The following RUNX1T1 variants were observed in gnomAD, a reference collection of about 807,000 sequenced individuals.
The protein encoded by RUNX1T1 is RUNX1 partner transcriptional co-repressor 1.
RUNX1T1 carries 4 observed loss-of-function variants against 62.8 expected under a neutral mutation model. The ratio of observed to expected loss-of-function variants is 0.06; its 90% CI spans 0.03 to 0.15. RUNX1T1 has a LOEUF of 0.15. Ranked by LOEUF, RUNX1T1 falls within the 10% of genes least tolerant of loss-of-function variation. RUNX1T1 has a pLI of 1.00. For missense variants in RUNX1T1, 508 were observed against 754.3 expected (o/e 0.67, Z 3.82); for synonymous variants, 291 against 286.0 (o/e 1.02, Z -0.18).
intron 1 of RUNX1T1, among the ~76,000 whole-genome samples, chr8:92,078,942 T>C (rs1214676510): frequency 6.6e-6 from 1 of 152,222 alleles, no homozygotes; most frequent in Non-Finnish European, 1.5e-5. Context: ...TGGCAAATCA[T>C]TCTTGTATCA....
chr8:92,081,607 C>T (rs530545673), intron 1 of RUNX1T1, among the ~76,000 whole-genome samples: 16 of 148,636 alleles, frequency 1.1e-4, no homozygotes, highest in Non-Finnish European at 2.1e-4. Context: ...GGAGACAGAA[C>T]CAGAATCATT....
chr8:91,967,667 T>C (rs929798862), intron 10 of RUNX1T1, among the ~76,000 whole-genome samples: 4 of 152,168 alleles, frequency 2.6e-5, no homozygotes, highest in Admixed American at 6.5e-5. Context: ...AGAAGAAACA[T>C]AAATGGCCAA....
rs540266594 is a variant in RUNX1T1 at position 92,035,006 on chromosome 8, T to C, written c.8-17643A>G. ...AAATAATGGGTACACATGTAACGAATGGGATAGGCTGGTACAGTGGCTCAT... is the reference window on the plus strand; with the variant it reads ...AAATAATGGGTACACATGTAACGAACGGGATAGGCTGGTACAGTGGCTCAT... On this transcript the variant is annotated intron_variant, in intron 1 of 10. Transcript: ENST00000396218. Among the ~76,000 whole-genome samples the C allele has an allele frequency of 4.6e-5, 7 of 152,050 alleles. No individual in the cohort carries two copies. In the South Asian group the frequency reaches 1.5e-3, roughly 32 times the overall value.
At chr8:91,970,602 G>T in intron 10 of RUNX1T1, 56 bp downstream of exon 11, 1 of 1,396,752 alleles carries the variant, frequency 7.2e-7, no homozygotes, top group Non-Finnish European at 9.7e-7. Context: ...TGAAGAATGA[G>T]CACTCTAATG....
At chr8:91,994,137 A>AG (rs1006550933) in intron 5 of RUNX1T1, among the ~76,000 whole-genome samples, 2 of 152,196 alleles carry the variant, frequency 1.3e-5, no homozygotes, top group African/African-American at 4.8e-5. Flanking sequence ...ATGGCCCCCA[A>AG]GGGAGTGGTG....
chr8:92,026,428 A>T (rs1217570213), intron 1 of RUNX1T1, among the ~76,000 whole-genome samples: 1 of 152,242 alleles, frequency 6.6e-6, no homozygotes, highest in Non-Finnish European at 1.5e-5. Flanking sequence ...CTCAAAGTTC[A>T]TTATCCTCTA....
At position 92,081,330 on chromosome 8, in the gene RUNX1T1, A is replaced by C. The variant is rs541228609; in HGVS notation, c.-85-5193T>G. 33 of 688,498 alleles carry C rather than the reference A, an allele frequency of 4.8e-5. No individual in the cohort carries two copies. The African/African-American group carries it at 6.0e-4, about 13-fold the overall frequency. The allele number at this position is 688,498 out of a possible 1,614,324, so 42.6% of individuals were successfully genotyped here. A position where few individuals can be genotyped will look rare whatever the true frequency, so the allele number is the denominator to read the frequency against. ...GTAGTACCTATTTTAATATAATTAAATATGAAATAAATGAAAGCAAAGGTC... is the reference window on the plus strand; with the variant it reads ...GTAGTACCTATTTTAATATAATTAACTATGAAATAAATGAAAGCAAAGGTC... On this transcript the variant is annotated intron_variant, in intron 1 of 11. Coordinates refer to the RUNX1T1 transcript ENST00000265814.
chr8:92,034,795 T>TATATACACATATATATATAC (rs1563810929), intron 1 of RUNX1T1, among the ~76,000 whole-genome samples: 60 of 73,466 alleles, frequency 8.2e-4, no homozygotes, highest in South Asian at 1.9e-3. Flanking sequence ...TATATACATA[T>TATATACACATATATATATAC]ATACACACAC....
At chr8:92,052,391 C>T (rs1169364479) in intron 1 of RUNX1T1, among the ~76,000 whole-genome samples, 4 of 152,162 alleles carry the variant, frequency 2.6e-5, no homozygotes, top group Non-Finnish European at 5.9e-5. Flanking sequence ...CATCTGAATA[C>T]ACTGTCAGAA....
At chr8:92,032,773 G>A (rs1256614803) in intron 1 of RUNX1T1, among the ~76,000 whole-genome samples, 1 of 152,000 alleles carries the variant, frequency 6.6e-6, no homozygotes, top group Non-Finnish European at 1.5e-5. Flanking sequence ...GTGAGGCCCT[G>A]TCTCTAAAAA....
At chr8:92,005,817 C>A (rs1214356561) in intron 4 of RUNX1T1, 1 of 152,294 alleles carries the variant, frequency 6.6e-6, no homozygotes, top group Non-Finnish European at 1.5e-5. Flanking sequence ...AAAATATAGA[C>A]ATGAACATAG....
intron 1 of RUNX1T1, among the ~76,000 whole-genome samples, chr8:92,058,434 C>T (rs1446479501): frequency 6.6e-6 from 1 of 152,192 alleles, no homozygotes; most frequent in Non-Finnish European, 1.5e-5. Flanking sequence ...GGTAGCTCTG[C>T]AATCCTAGAG....
At chr8:91,993,979 C>T (rs1216487698) in intron 5 of RUNX1T1, among the ~76,000 whole-genome samples, 1 of 151,914 alleles carries the variant, frequency 6.6e-6, no homozygotes, top group Non-Finnish European at 1.5e-5. Flanking sequence ...GCAACAAACT[C>T]AAAACTCTTT....
exon 1 of RUNX1T1, chr8:92,062,913 A>G: frequency 7.6e-7 from 1 of 1,313,032 alleles, no homozygotes; most frequent in Non-Finnish European, 9.8e-7. Context: ...AGCACCAAAA[A>G]GCAAAAAGTG....
chr8:91,958,095 C>T (rs1425189563), downstream of RUNX1T1: 4 of 121,610 alleles, frequency 3.3e-5, no homozygotes, highest in Non-Finnish European at 6.6e-5. Flanking sequence ...TTTAACCCTC[C>T]CCCCACCCCC....
At chr8:91,985,834 C>T (rs538423414) in intron 8 of RUNX1T1, among the ~76,000 whole-genome samples, 4 of 152,226 alleles carry the variant, frequency 2.6e-5, no homozygotes, top group East Asian at 1.9e-4. Context: ...TGAGGCATTA[C>T]GAAGGAGCAC....
downstream of RUNX1T1, chr8:91,958,728 C>A (rs1330938687): frequency 7.7e-5 from 10 of 130,182 alleles, no homozygotes; most frequent in East Asian, 1.3e-4. Flanking sequence ...AGAATTTGCT[C>A]AAAAAAAAAA....
rs138960718 is a variant in RUNX1T1, at chr8:91,978,834, G to A, written c.1199-2861C>T. 4.8e-3 allele frequency among the ~76,000 whole-genome samples: 733 copies of A among 152,240 alleles called. 3 individuals are homozygous for A. Among genetic ancestry groups the A allele is most frequent in the Non-Finnish European group, 7.2e-3 (493 of 68,014 alleles). ...GGTACATATACCACACTGGAAAGTTGTGCAATGTTTCACTTTGGCTATACC... is the reference window on the plus strand; with the variant it reads ...GGTACATATACCACACTGGAAAGTTATGCAATGTTTCACTTTGGCTATACC... On this transcript the variant is annotated intron_variant, in intron 8 of 10. Coordinates refer to ENST00000396218, the Ensembl canonical transcript of RUNX1T1.
At chr8:91,986,026 TTC>T in intron 8 of RUNX1T1, 96 bp downstream of exon 9, 5 of 870,062 alleles carry the variant, frequency 5.7e-6, no homozygotes, top group Non-Finnish European at 9.6e-6. Context: ...TGTCTTAAAA[TTC>T]CTTGCATATC....
Sources: allele counts gnomAD v4.1 joint callset (sites outside exome capture counted in the v4.1 genomes callset), GRCh38; gene constraint gnomAD v4.1.1; transcripts MANE v1.5; gene names NCBI Gene and HGNC (gene_info 2026-07-23, HGNC 2026-07-21).